MUC21: variants seen among roughly 807,000 people sequenced by gnomAD.
MUC21 encodes the protein mucin 21, cell surface associated.
In MUC21, 8 loss-of-function variants were observed where a neutral mutation model predicts 9.1. The ratio of observed to expected loss-of-function variants is 0.88; its 90% CI spans 0.52 to 1.59. MUC21 has a LOEUF of 1.59. Ranked by LOEUF, MUC21 falls within the 40% of genes most tolerant of loss-of-function variation. The pLI is 0.00. For synonymous variants in MUC21, 189 were observed against 275.2 expected (o/e 0.69, Z 3.10); for missense variants, 478 against 694.2 (o/e 0.69, Z 3.50).
At chr6:30,984,352 C>A (rs941538280) in intron 1 of MUC21, among the ~76,000 whole-genome samples, 1 of 152,156 alleles carries the variant, frequency 6.6e-6, no homozygotes, top group African/African-American at 2.4e-5. Flanking sequence ...ATATTAAGAA[C>A]AAGAAGAGTC....
Position 30,988,193 on chromosome 6 carries a change from G to A in MUC21, c.1700G>A (p.Ter567=). 6.2e-7 allele frequency: 1 copy of A among 1,608,826 alleles called. No homozygotes were observed. Among genetic ancestry groups the A allele is most frequent in the Non-Finnish European group, 8.5e-7 (1 of 1,178,596 alleles). Residue 567 remains the stop codon, a stop_retained_variant, in exon 3 of 3, where the codon TGA becomes TAA. Transcript: ENST00000376296. ...MEMSGRNSGP[*] The stretch of plus-strand genomic sequence containing the variant: ...ATGAGCGGGAGGAACAGCGGGCCCT[G>A]AGCAGCCCCGGAAGCAAGTGCCGCA...
At position 30,988,123 on chromosome 6, in the gene MUC21, C is replaced by A. The variant is rs796267398; in HGVS notation, c.1630C>A (p.Pro544Thr). Reference protein sequence around the residue: ...HGAPHRPRWSPNWFWRRPVSS... With the variant: ...HGAPHRPRWSTNWFWRRPVSS... Reference sequence around the variant, plus strand: ...AGCCCCCCACAGGCCCAGGTGGAGTCCTAACTGGTTCTGGAGGAGACCAGT... The same window carrying A: ...AGCCCCCCACAGGCCCAGGTGGAGTACTAACTGGTTCTGGAGGAGACCAGT... Residue 544 changes from proline to threonine, a missense_variant, in exon 3 of 3, where the codon CCT becomes ACT. Physicochemically the swap from Pro to Thr is conservative, Grantham distance 38. This residue lies in a region of MUC21 where 158 missense variants were observed against 192.6 expected (regional missense o/e 0.82). Transcript: ENST00000376296. 1.2e-6 allele frequency: 2 copies of A among 1,612,850 alleles called. No homozygotes were observed. The highest frequency in any genetic ancestry group is 1.7e-6 in the Non-Finnish European group (2 of 1,180,016).
Position 30,988,341 on chromosome 6 carries a change from T to G in MUC21, c.*147T>G. On this transcript the variant is annotated 3_prime_UTR_variant, in exon 3 of 3. Coordinates refer to ENST00000376296, the MANE Select transcript of MUC21 (RefSeq NM_001010909.5). Reference sequence around the variant, plus strand: ...TGAAGAAGGTATTCCTCACCTTTCTTGCCTTTACCAGACACTGGAAAGAGA... The same window carrying G: ...TGAAGAAGGTATTCCTCACCTTTCTGGCCTTTACCAGACACTGGAAAGAGA... The G allele has an allele frequency of 1.5e-6, 1 of 686,598 alleles. No homozygotes were observed. Among genetic ancestry groups the G allele is most frequent in the Non-Finnish European group, 2.4e-6 (1 of 418,126 alleles). The allele number at this position is 686,598 out of a possible 1,614,324, so 42.5% of individuals were successfully genotyped here. A position where few individuals can be genotyped will look rare whatever the true frequency, so the allele number is the denominator to read the frequency against.
At chr6:30,987,825 T>A in intron 2 of MUC21, 144 bp downstream of exon 2, 3 of 1,418,026 alleles carry the variant, frequency 2.1e-6, no homozygotes, top group Non-Finnish European at 2.8e-6. Context: ...ACATGGTAGG[T>A]CAATGCAGAG....
In MUC21 at chr6:30,985,288, G is replaced by A. The variant is rs147237574; in HGVS notation, c.62-949G>A. 1.5e-3 allele frequency among the ~76,000 whole-genome samples: 230 copies of A among 152,170 alleles called. 1 individual carries two copies. Among genetic ancestry groups the A allele is most frequent in the African/African-American group, 5.3e-3 (222 of 41,520 alleles). On this transcript the variant is annotated intron_variant, in intron 1 of 2. Coordinates refer to ENST00000376296, the MANE Select transcript of MUC21 (RefSeq NM_001010909.5). ...TATGTATTTGAGCTACATATAACTC[G>A]TTCTTCTCTAGCCTTGGCCATAGTG... is the stretch of plus-strand genomic sequence containing the variant.
rs967271714 is a variant in MUC21, at chr6:30,983,859, C to T, written c.-100C>T. 7.2e-6 allele frequency: 5 copies of T among 692,528 alleles called. No homozygotes were observed. The highest frequency in any genetic ancestry group is 1.8e-5 in the African/African-American group (1 of 55,686). 42.9% of individuals were successfully genotyped at this position (692,528 alleles called of 1,614,324 possible). ...GGAAGCACCAGCCTTTATCTCTTCACCTTCAAGTCCCCTTTCTCAAGAATC... is the reference window on the plus strand; with the variant it reads ...GGAAGCACCAGCCTTTATCTCTTCATCTTCAAGTCCCCTTTCTCAAGAATC... On this transcript the variant is annotated 5_prime_UTR_variant, in exon 1 of 3. Coordinates refer to ENST00000376296, the MANE Select transcript of MUC21 (RefSeq NM_001010909.5).
rs41288646 is a variant in MUC21, at chr6:30,986,661, C to T, written c.486C>T (p.Ala162=). ...NSDSSTTSSE[A]STATNSESST... ...ACTCCAGCACAACCTCCAGTGAGGC[C>T]AGCACAGCCACCAACTCTGAGTCCA... The change falls in exon 2 of 3, where the codon GCC becomes GCT. Residue 162 remains alanine (A), a synonymous_variant. Coordinates refer to ENST00000376296, the MANE Select transcript of MUC21 (RefSeq NM_001010909.5). 8.8e-3 allele frequency: 12,949 copies of T among 1,469,252 alleles called. 146 individuals carry two copies. The highest frequency in any genetic ancestry group is 0.032 in the East Asian group (1,214 of 38,530). The allele number at this position is 1,469,252 out of a possible 1,614,324, so 91.0% of individuals were successfully genotyped here.
At chr6:30,987,746 G>A in intron 2 of MUC21, 65 bp downstream of exon 2, 1 of 1,570,662 alleles carries the variant, frequency 6.4e-7, no homozygotes, top group East Asian at 2.2e-5. Flanking sequence ...GGAAATGGGT[G>A]TGAATAGAAG....
rs1762138016 is a variant in MUC21, at chr6:30,983,803, A to T, written c.-156A>T. ...CACGCCTGAGTCCAAGATTCTTCCC[A>T]GGAACACAAACGTAGGAGACCCACG... On this transcript the variant is annotated 5_prime_UTR_variant, in exon 1 of 3. Transcript: ENST00000376296. 4 of 556,844 alleles carry T rather than the reference A, an allele frequency of 7.2e-6. No individual in the cohort carries two copies. Among genetic ancestry groups the T allele is most frequent in the Non-Finnish European group, 1.3e-5 (4 of 312,664 alleles). 34.5% of individuals were successfully genotyped at this position (556,844 alleles called of 1,614,324 possible). A position where few individuals can be genotyped will look rare whatever the true frequency, so the allele number is the denominator to read the frequency against.
chr6:30,989,135 G>A lies in MUC21; in HGVS notation c.*941G>A, dbSNP rs73727150. 6.6e-6 allele frequency: 1 copy of A among 152,202 alleles called. No homozygotes were observed. The highest frequency in any genetic ancestry group is 1.5e-5 in the Non-Finnish European group (1 of 68,060). 9.4% of individuals were successfully genotyped at this position (152,202 alleles called of 1,614,324 possible). A position where few individuals can be genotyped will look rare whatever the true frequency, so the allele number is the denominator to read the frequency against. On this transcript the variant is annotated 3_prime_UTR_variant, in exon 3 of 3. Coordinates refer to ENST00000376296, the MANE Select transcript of MUC21 (RefSeq NM_001010909.5). Reference sequence around the variant, plus strand: ...CAAGGTAATGGAGGGCTCCTACTTGGGACAGAGCCCTCAGCAGAGAATTAG... The same window carrying A: ...CAAGGTAATGGAGGGCTCCTACTTGAGACAGAGCCCTCAGCAGAGAATTAG...
Position 30,988,239 on chromosome 6 carries a change from C to G in MUC21, c.*45C>G. ...CCGCATTCTTCAGGAAGGAAGAGACCTGGGCACCCAAGACCTGGTTTCCTT... is the reference window on the plus strand; with the variant it reads ...CCGCATTCTTCAGGAAGGAAGAGACGTGGGCACCCAAGACCTGGTTTCCTT... On this transcript the variant is annotated 3_prime_UTR_variant, in exon 3 of 3. Transcript: ENST00000376296. 6.4e-7 allele frequency: 1 copy of G among 1,551,126 alleles called. No homozygotes were observed. The highest frequency in any genetic ancestry group is 8.7e-7 in the Non-Finnish European group (1 of 1,149,364).
Position 30,986,568 on chromosome 6 carries a change from G to T in MUC21, c.393G>T (p.Gly131=). The change falls in exon 2 of 3, where the codon GGG becomes GGT. Residue 131 remains glycine (G), a synonymous_variant. Transcript: ENST00000376296. ...CTGAGTCCAGCACACCCTCCAGTGG[G>T]GCCAGCACAGCCACCAACTCTGACT... The part of the protein sequence containing the change: ...TNSESSTPSS[G]ASTATNSDSS... 6.4e-7 allele frequency: 1 copy of T among 1,574,530 alleles called. No individual in the cohort carries two copies. Among genetic ancestry groups the T allele is most frequent in the Non-Finnish European group, 8.6e-7 (1 of 1,158,044 alleles).
Position 30,987,014 on chromosome 6 carries a change from G to C in MUC21, c.839G>C (p.Ser280Thr). 6.2e-7 allele frequency: 1 copy of C among 1,604,076 alleles called. No individual in the cohort carries two copies. Among genetic ancestry groups the C allele is most frequent in the Non-Finnish European group, 8.5e-7 (1 of 1,173,976 alleles). ...ATNSESSTVS[S>T]GISTVTNSES... ...AACTCTGAGTCCAGCACAGTGTCCA[G>C]TGGGATCAGCACAGTCACCAATTCT... is the stretch of plus-strand genomic sequence containing the variant. The change falls in exon 2 of 3, where the codon AGT (serine) becomes ACT (threonine). Residue 280 changes from serine (S) to threonine (T), a missense_variant. Ser to Thr is a moderately conservative substitution (Grantham distance 58). This residue lies in a region of MUC21 where 155 missense variants were observed against 235.2 expected (regional missense o/e 0.66). Coordinates refer to ENST00000376296, the MANE Select transcript of MUC21 (RefSeq NM_001010909.5).
chr6:30,987,287 G>T lies in MUC21; in HGVS notation c.1112G>T (p.Gly371Val). 6.4e-7 allele frequency: 1 copy of T among 1,554,632 alleles called. No homozygotes were observed. Among genetic ancestry groups the T allele is most frequent in the Non-Finnish European group, 8.7e-7 (1 of 1,143,438 alleles). ...TCTGGGTCCAGCACGACCTCCAGTG[G>T]GACCAGCACAGCCACCAACTCTGAG... ...TNSGSSTTSS[G>V]TSTATNSESS... Residue 371 changes from glycine (G) to valine (V), a missense_variant, in exon 2 of 3, where the codon GGG becomes GTG. By Grantham distance (109) the Gly-to-Val change is moderately radical (BLOSUM62 -3). Coordinates refer to ENST00000376296, the MANE Select transcript of MUC21 (RefSeq NM_001010909.5).
At position 30,986,055 on chromosome 6, in the gene MUC21, G is replaced by A. The variant is rs113842123; in HGVS notation, c.62-182G>A. 1.6e-3 allele frequency among the ~76,000 whole-genome samples: 246 copies of A among 152,276 alleles called. 2 individuals are homozygous for A. The highest frequency in any genetic ancestry group is 3.3e-3 in the Admixed American group (51 of 15,296). ...GCTGGGATTACAGGCGTGAGCCACC[G>A]TGCCCAGCCCAGTATCAACATTTTG... On this transcript the variant is annotated intron_variant, in intron 1 of 2. Transcript: ENST00000376296.
chr6:30,986,282 G>C lies in MUC21; in HGVS notation c.107G>C (p.Ser36Thr), dbSNP rs1251822201. The C allele has an allele frequency of 1.2e-6, 2 of 1,614,076 alleles. No homozygotes were observed. The highest frequency in any genetic ancestry group is 1.7e-6 in the Non-Finnish European group (2 of 1,180,026). ...ETSTSANTGS[S>T]VISSGASTAT... ...AGCACCTCTGCCAACACTGGATCCA[G>C]TGTGATCTCCAGTGGAGCCAGCACA... Residue 36 changes from serine to threonine, a missense_variant, in exon 2 of 3, where the codon AGT becomes ACT. Around this residue, in one of 5 missense-constraint regions of MUC21, gnomAD observed 110 missense variants for 108.3 expected, o/e 1.02. Coordinates refer to ENST00000376296, the MANE Select transcript of MUC21 (RefSeq NM_001010909.5).
intron 1 of MUC21, among the ~76,000 whole-genome samples, chr6:30,985,802 C>T (rs774655820): frequency 3.3e-5 from 5 of 152,058 alleles, no homozygotes; most frequent in African/African-American, 9.7e-5. Flanking sequence ...ATTTTTGAGA[C>T]GGAGTTTTGC....
In MUC21 at chr6:30,988,173, C is replaced by T. The variant is rs1490470208; in HGVS notation, c.1680C>T (p.Ser560=). The T allele has an allele frequency of 4.3e-6, 7 of 1,612,098 alleles. No homozygotes were observed. The highest frequency in any genetic ancestry group is 5.1e-6 in the Non-Finnish European group (6 of 1,179,830). The change falls in exon 3 of 3, where the codon AGC becomes AGT. Residue 560 remains serine (S), a synonymous_variant. Coordinates refer to ENST00000376296, the MANE Select transcript of MUC21 (RefSeq NM_001010909.5). The stretch of plus-strand genomic sequence containing the variant: ...TATCCTCGATAGCCATGGAGATGAG[C>T]GGGAGGAACAGCGGGCCCTGAGCAG... ...RPVSSIAMEM[S]GRNSGP
chr6:30,986,993 C>T lies in MUC21; in HGVS notation c.818C>T (p.Ser273Phe), dbSNP rs267600949. 6.2e-7 allele frequency: 1 copy of T among 1,605,448 alleles called. No individual in the cohort carries two copies. Residue 273 changes from serine (S) to phenylalanine (F), a missense_variant, in exon 2 of 3, where the codon TCT (serine) becomes TTT (phenylalanine). Physicochemically the swap from Ser to Phe is radical, Grantham distance 155. Transcript: ENST00000376296. Reference protein sequence around the residue: ...TSSGAGTATNSESSTVSSGIS... With the variant: ...TSSGAGTATNFESSTVSSGIS... ...AGTGGGGCCGGCACAGCCACCAACT[C>T]TGAGTCCAGCACAGTGTCCAGTGGG...
Sources: gnomAD v4.1 joint callset for allele counts (sites outside exome capture counted in the v4.1 genomes callset) on GRCh38, gnomAD v4.1.1 for gene constraint, gnomAD v4.1.1 regional missense constraint, MANE v1.5 for transcripts, NCBI Gene and HGNC (gene_info 2026-07-23, HGNC 2026-07-21) for gene names.